ADGRB3: variants seen among roughly 807,000 people sequenced by gnomAD.
ADGRB3 encodes the protein adhesion G protein-coupled receptor B3, also known as brain-specific angiogenesis inhibitor 3.
A neutral mutation model predicts 193.4 loss-of-function variants in ADGRB3; 37 were observed. The observed-to-expected ratio is 0.19, with a 90% CI of 0.15 to 0.25. The LOEUF (loss-of-function observed/expected upper bound fraction) is 0.25, where lower values mean the gene tolerates loss of function less well. ADGRB3 is among the 10% of genes least tolerant of loss of function. The pLI is 1.00. For missense variants in ADGRB3, 1,637 were observed against 1,852.9 expected (o/e 0.88, Z 2.14); for synonymous variants, 690 against 644.2 (o/e 1.07, Z -1.08).
chr6:68,764,997 A>C (rs1021157745), intron 3 of ADGRB3, among the ~76,000 whole-genome samples: 12 of 152,176 alleles, frequency 7.9e-5, no homozygotes, highest in African/African-American at 2.7e-4. Flanking sequence ...GATATAATGT[A>C]ATGTTACTGA....
intron 3 of ADGRB3, among the ~76,000 whole-genome samples, chr6:68,736,758 G>T (rs1392721716): frequency 3.3e-5 from 5 of 151,982 alleles, no homozygotes; most frequent in African/African-American, 4.8e-5. Context: ...ATGTTCCTAA[G>T]GGAAGCAGGA....
intron 13 of ADGRB3, among the ~76,000 whole-genome samples, chr6:69,042,916 T>C (rs1771113894): frequency 6.6e-6 from 1 of 152,214 alleles, no homozygotes; most frequent in Non-Finnish European, 1.5e-5. Context: ...TTGTATCCCC[T>C]TCAACATTTG....
At chr6:69,153,247 T>C (rs974890702) in intron 17 of ADGRB3, among the ~76,000 whole-genome samples, 8 of 152,198 alleles carry the variant, frequency 5.3e-5, no homozygotes, top group African/African-American at 1.7e-4. Context: ...AACTATAAAG[T>C]TGTTCTTAAA....
chr6:69,326,563 A>G (rs932926693), intron 21 of ADGRB3, among the ~76,000 whole-genome samples: 1 of 152,196 alleles, frequency 6.6e-6, no homozygotes, highest in African/African-American at 2.4e-5. Context: ...ACCTGAACTG[A>G]TGGTGCTAAA....
chr6:68,705,685 C>G (rs889755132), intron 3 of ADGRB3, among the ~76,000 whole-genome samples: 2 of 152,166 alleles, frequency 1.3e-5, no homozygotes, highest in Non-Finnish European at 2.9e-5. Context: ...CGGAAACATT[C>G]AGGGACTAGC....
chr6:68,935,272 A>G (rs1037890990), intron 4 of ADGRB3, among the ~76,000 whole-genome samples: 1 of 152,192 alleles, frequency 6.6e-6, no homozygotes, highest in Non-Finnish European at 1.5e-5. Context: ...CTCACTGAGA[A>G]AATCTGTGTG....
In ADGRB3 at chr6:69,013,921, A is replaced by G. The variant is rs117294788; in HGVS notation, c.1930-117A>G. The G allele has an allele frequency of 7.2e-6, 4 of 555,072 alleles. No homozygotes were observed. In the East Asian group the frequency reaches 9.4e-5, roughly 13 times the overall value. The allele number at this position is 555,072 out of a possible 1,614,324, so 34.4% of individuals were successfully genotyped here. ...TCTTCTAGAATACTATGTTAGGGTC[A>G]TAAAGCAATATTGCAAAGTGCTTAT... On this transcript the variant is annotated intron_variant, in intron 11 of 31. Transcript: ENST00000370598.
chr6:68,639,923 T>C (rs1257040729), intron 3 of ADGRB3, among the ~76,000 whole-genome samples: 1 of 152,170 alleles, frequency 6.6e-6, no homozygotes, highest in Non-Finnish European at 1.5e-5. Context: ...GCATCTTGAC[T>C]AAAAGGTAGT....
chr6:68,690,513 A>G (rs1765055361), intron 3 of ADGRB3, among the ~76,000 whole-genome samples: 1 of 152,106 alleles, frequency 6.6e-6, no homozygotes, highest in Admixed American at 6.6e-5. Flanking sequence ...AAATTTCTGT[A>G]TATTTTAGAT....
intron 20 of ADGRB3, among the ~76,000 whole-genome samples, chr6:69,280,053 C>T (rs921748794): frequency 6.6e-6 from 1 of 152,174 alleles, no homozygotes; most frequent in African/African-American, 2.4e-5. Flanking sequence ...GCAGGAGCTA[C>T]ATTCCTCAAA....
intron 19 of ADGRB3, among the ~76,000 whole-genome samples, chr6:69,236,500 A>G (rs895999967): frequency 1.3e-5 from 2 of 152,044 alleles, no homozygotes; most frequent in African/African-American, 4.8e-5. Context: ...AGCAAGAAGG[A>G]TAAACATTTG....
At chr6:68,945,082 A>G (rs1335808749) in intron 6 of ADGRB3, among the ~76,000 whole-genome samples, 1 of 152,148 alleles carries the variant, frequency 6.6e-6, no homozygotes, top group Admixed American at 6.6e-5. Flanking sequence ...TGGAAGTTTT[A>G]AATATATAAA....
intron 20 of ADGRB3, among the ~76,000 whole-genome samples, chr6:69,304,942 G>C (rs1582619543): frequency 6.6e-6 from 1 of 151,536 alleles, no homozygotes; most frequent in Non-Finnish European, 1.5e-5. Context: ...TTAGGATGAA[G>C]TTTAGAGTCA....
intron 14 of ADGRB3, among the ~76,000 whole-genome samples, chr6:69,048,547 T>C (rs1771303401): frequency 6.6e-6 from 1 of 152,140 alleles, no homozygotes; most frequent in Non-Finnish European, 1.5e-5. Flanking sequence ...ATGAAAAATA[T>C]ACAAGTGCAA....
rs538377124 is a variant in ADGRB3 at position 69,341,979 on chromosome 6, G to T, written c.3459+2475G>T. On this transcript the variant is annotated intron_variant, in intron 26 of 31. Transcript: ENST00000370598. ...TAGTTTTAAGCTATCATCAAAATAT[G>T]CAGGTTTTAAAGTGGCAGATATTAT... is the stretch of plus-strand genomic sequence containing the variant. 5.3e-5 allele frequency among the ~76,000 whole-genome samples: 8 copies of T among 152,202 alleles called. No individual in the cohort carries two copies. The East Asian group carries it at 9.6e-4, about 18-fold the overall frequency.
rs927581264 is a variant in ADGRB3, at chr6:69,121,270, C to T, written c.2480+45232C>T. 5.1e-4 allele frequency among the ~76,000 whole-genome samples: 77 copies of T among 152,058 alleles called. 2 individuals carry two copies. The highest frequency in any genetic ancestry group is 5.0e-3 in the Admixed American group (77 of 15,268). ...AAGCACATCTTGCACCGCCCTTAAT[C>T]CATTTAACCCTGAGTTGACACAGCA... is the stretch of plus-strand genomic sequence containing the variant. On this transcript the variant is annotated intron_variant, in intron 17 of 31. Transcript: ENST00000370598.
intron 29 of ADGRB3, among the ~76,000 whole-genome samples, chr6:69,369,005 A>G (rs1769648869): frequency 6.6e-6 from 1 of 152,144 alleles, no homozygotes; most frequent in South Asian, 2.1e-4. Context: ...GGTTATTTGC[A>G]AAATTGGAAT....
intron 17 of ADGRB3, among the ~76,000 whole-genome samples, chr6:69,162,300 C>T (rs1381431320): frequency 6.6e-6 from 1 of 151,722 alleles, no homozygotes; most frequent in Non-Finnish European, 1.5e-5. Flanking sequence ...TTAAAGTATC[C>T]CTTCAATGTT....
At chr6:68,914,226 C>A (rs1271724470) in intron 3 of ADGRB3, among the ~76,000 whole-genome samples, 2 of 150,294 alleles carry the variant, frequency 1.3e-5, no homozygotes, top group African/African-American at 4.9e-5. Flanking sequence ...AGAGCAACTC[C>A]AAGACACATA....
Sources: allele counts gnomAD v4.1 joint callset (sites outside exome capture counted in the v4.1 genomes callset), GRCh38; gene constraint gnomAD v4.1.1; transcripts MANE v1.5; gene names NCBI Gene and HGNC (gene_info 2026-07-23, HGNC 2026-07-21).